The following VAV3 variants were observed in gnomAD, a reference collection of about 807,000 sequenced individuals.
VAV3 encodes the protein vav guanine nucleotide exchange factor 3.
In VAV3, 94 loss-of-function variants were observed where a neutral mutation model predicts 131.2. The observed-to-expected ratio is 0.72, with a 90% CI of 0.61 to 0.85. The LOEUF (loss-of-function observed/expected upper bound fraction) is 0.85. Ranked by LOEUF, VAV3 falls within the 40% of genes least tolerant of loss-of-function variation. The pLI is 0.00. For missense variants in VAV3, 939 were observed against 1,002.7 expected (o/e 0.94, Z 0.86); for synonymous variants, 349 against 342.0 (o/e 1.02, Z -0.22).
At chr1:107,872,717 C>A (rs17020234) in intron 2 of VAV3, among the ~76,000 whole-genome samples, 1 of 152,088 alleles carries the variant, frequency 6.6e-6, no homozygotes, top group Non-Finnish European at 1.5e-5. Flanking sequence ...AATGTTTGCA[C>A]TATGGTACAG....
At chr1:107,897,322 G>T (rs1671636280) in intron 1 of VAV3, 1 of 151,106 alleles carries the variant, frequency 6.6e-6, no homozygotes, top group Admixed American at 6.6e-5. Context: ...CATACAAAAA[G>T]ACCACTGTGT....
chr1:107,732,098 G>C (rs1157940082), intron 15 of VAV3, among the ~76,000 whole-genome samples: 3 of 152,242 alleles, frequency 2.0e-5, no homozygotes, highest in South Asian at 4.1e-4. Flanking sequence ...CACATGCACA[G>C]GACTTTTCTA....
intron 18 of VAV3, chr1:107,685,645 C>T (rs979997913): frequency 6.6e-6 from 1 of 151,968 alleles, no homozygotes; most frequent in East Asian, 1.9e-4. Context: ...AAAATAACAT[C>T]GGAGGAATTT....
intron 2 of VAV3, among the ~76,000 whole-genome samples, chr1:107,860,105 A>G (rs1325904349): frequency 6.6e-6 from 1 of 152,120 alleles, no homozygotes; most frequent in Non-Finnish European, 1.5e-5. Flanking sequence ...ATAGTAGATG[A>G]ATCAAATATG....
chr1:107,704,378 G>A (rs1660318430), intron 17 of VAV3, among the ~76,000 whole-genome samples, 172 bp downstream of exon 17: 1 of 152,114 alleles, frequency 6.6e-6, no homozygotes, highest in Non-Finnish European at 1.5e-5. Flanking sequence ...ACAAAGTTAT[G>A]CAGAAAACTC....
intron 2 of VAV3, among the ~76,000 whole-genome samples, chr1:107,791,700 T>C (rs1017950774): frequency 1.3e-5 from 2 of 152,122 alleles, no homozygotes; most frequent in African/African-American, 4.8e-5. Flanking sequence ...GCAGCCAGGG[T>C]TGAAAATCAC....
chr1:107,810,128 T>C (rs1411279954), intron 2 of VAV3, among the ~76,000 whole-genome samples: 1 of 152,186 alleles, frequency 6.6e-6, no homozygotes, highest in Non-Finnish European at 1.5e-5. Flanking sequence ...TTGCCACTGA[T>C]TGGGTAAATC....
intron 2 of VAV3, among the ~76,000 whole-genome samples, chr1:107,836,609 T>C (rs886194856): frequency 6.6e-6 from 1 of 151,842 alleles, no homozygotes; most frequent in Non-Finnish European, 1.5e-5. Flanking sequence ...CAAATACACA[T>C]CTAAAAAGTC....
chr1:107,749,108 T>C (rs369932671), intron 14 of VAV3, 31 bp from the exon 15 acceptor site: 4 of 1,398,642 alleles, frequency 2.9e-6, no homozygotes, highest in African/African-American at 2.9e-5. Flanking sequence ...TAGATTAATA[T>C]GTATCATTAA....
intron 1 of VAV3, among the ~76,000 whole-genome samples, chr1:107,937,983 C>A (rs1362983962): frequency 6.6e-6 from 1 of 152,124 alleles, no homozygotes; most frequent in Non-Finnish European, 1.5e-5. Context: ...AAAATGAAAT[C>A]ATTTTATCTT....
chr1:107,748,957 G>A lies in VAV3; in HGVS notation c.1502+11C>T. 1 of 1,556,460 alleles carries A rather than the reference G, an allele frequency of 6.4e-7. No homozygotes were observed. The highest frequency in any genetic ancestry group is 1.4e-5 in the African/African-American group (1 of 72,628). ...AAAAATAAAAGCACTTTTAAAAATA[G>A]AAATACTCACAAAGCCATTTCAAAC... On this transcript the variant is annotated intron_variant, in intron 15 of 26. Coordinates refer to ENST00000370056, the MANE Select transcript of VAV3 (RefSeq NM_006113.5).
At position 107,780,658 on chromosome 1, in the gene VAV3, G is replaced by C. The variant is rs566763955; in HGVS notation, c.322-1166C>G. ...AGCCTCTCAAGTAGCTGGGATTACA[G>C]GCACACACCACCATGCCTGGCTAAT... is the stretch of plus-strand genomic sequence containing the variant. On this transcript the variant is annotated intron_variant, in intron 2 of 26. Transcript: ENST00000370056. Among the ~76,000 whole-genome samples, 364 of 152,188 alleles carry C rather than the reference G, an allele frequency of 2.4e-3. 1 individual carries two copies. The highest frequency in any genetic ancestry group is 4.0e-3 in the Non-Finnish European group (274 of 67,996).
At chr1:107,763,316 ATACT>A (rs779762506) in intron 9 of VAV3, among the ~76,000 whole-genome samples, 25 of 152,228 alleles carry the variant, frequency 1.6e-4, no homozygotes, top group Admixed American at 4.6e-4. Context: ...CAAAAACTAC[ATACT>A]TAGAGTCCCA....
rs138334746 is a variant in VAV3, at chr1:107,609,935, G to T, written c.2011C>A (p.Pro671Thr). The part of the protein sequence containing the change: ...VPKPVDYSCQ[P>T]WYAGAMERLQ... ...ATAAACATTTTTAATACTTACCAGG[G>T]TTGGCAAGAATAATCTACTGGTTTG... Residue 671 changes from proline to threonine, a missense_variant, in exon 22 of 27, where the codon CCC (proline) becomes ACC (threonine). Transcript: ENST00000370056. 2.5e-3 allele frequency: 4,091 copies of T among 1,613,210 alleles called. 5 individuals are homozygous for T. The highest frequency in any genetic ancestry group is 4.8e-3 in the Middle Eastern group (29 of 6,054).
chr1:107,843,755 G>A (rs896084221), intron 2 of VAV3, among the ~76,000 whole-genome samples: 3 of 151,950 alleles, frequency 2.0e-5, no homozygotes, highest in Non-Finnish European at 2.9e-5. Flanking sequence ...AATCAGACAC[G>A]GAAAAATGCA....
At chr1:107,954,687 G>A (rs924590832) in intron 1 of VAV3, among the ~76,000 whole-genome samples, 7 of 150,828 alleles carry the variant, frequency 4.6e-5, no homozygotes, top group Non-Finnish European at 7.4e-5. Flanking sequence ...TGACTAGTAA[G>A]GAGGTGCTAT....
intron 20 of VAV3, among the ~76,000 whole-genome samples, chr1:107,634,421 G>A (rs184283772): frequency 6.1e-4 from 93 of 152,200 alleles, no homozygotes; most frequent in African/African-American, 2.1e-3. Context: ...CTAGCCATAT[G>A]TAGAAAGCTG....
At chr1:107,684,395 C>G (rs1348880058) in intron 18 of VAV3, among the ~76,000 whole-genome samples, 1 of 152,188 alleles carries the variant, frequency 6.6e-6, no homozygotes, top group Non-Finnish European at 1.5e-5. Flanking sequence ...GGGTTTGTAT[C>G]TGTGTGTGAA....
At chr1:107,713,327 A>AT (rs928126809) in intron 15 of VAV3, among the ~76,000 whole-genome samples, 1 of 152,104 alleles carries the variant, frequency 6.6e-6, no homozygotes, top group African/African-American at 2.4e-5. Flanking sequence ...GGCTGGCCTC[A>AT]TTTTCACTTA....
Sources: allele counts gnomAD v4.1 joint callset (sites outside exome capture counted in the v4.1 genomes callset), GRCh38; gene constraint gnomAD v4.1.1; transcripts MANE v1.5; gene names NCBI Gene and HGNC (gene_info 2026-07-23, HGNC 2026-07-21).